LDLRAD4: variants seen among roughly 807,000 people sequenced by gnomAD.
LDLRAD4 encodes low-density lipoprotein receptor class A domain-containing protein 4.
Under a neutral mutation model 17.0 loss-of-function variants are expected in LDLRAD4, and 5 were observed. The ratio of observed to expected loss-of-function variants is 0.29; its 90% CI spans 0.15 to 0.62. The LOEUF (loss-of-function observed/expected upper bound fraction) is 0.62. Ranked by LOEUF, LDLRAD4 falls within the 20% of genes least tolerant of loss-of-function variation. LDLRAD4 has a pLI of 0.84. For synonymous variants in LDLRAD4, 168 were observed against 171.8 expected, an observed-to-expected ratio of 0.98 and a Z score of 0.17; for missense variants, 340 against 424.7, an observed-to-expected ratio of 0.80 and a Z score of 1.75.
At chr18:13,532,171 C>T (rs374040092) in intron 3 of LDLRAD4, among the ~76,000 whole-genome samples, 43 of 152,254 alleles carry the variant, frequency 2.8e-4, no homozygotes, top group East Asian at 7.7e-4. Context: ...TAAAGTCACC[C>T]GGAGGGATGC....
At chr18:13,244,504 G>A (rs1434696065) in intron 1 of LDLRAD4, among the ~76,000 whole-genome samples, 2 of 152,164 alleles carry the variant, frequency 1.3e-5, no homozygotes, top group Non-Finnish European at 2.9e-5. Context: ...TAAAATGTTA[G>A]GGTAAAGGCC....
At chr18:13,237,043 C>T (rs1183968885) in intron 1 of LDLRAD4, among the ~76,000 whole-genome samples, 2 of 152,190 alleles carry the variant, frequency 1.3e-5, no homozygotes, top group African/African-American at 4.8e-5. Flanking sequence ...CAGCAGGTGT[C>T]TCTGTCTTTG....
At chr18:13,496,799 G>C (rs551109350) in intron 3 of LDLRAD4, among the ~76,000 whole-genome samples, 1 of 152,258 alleles carries the variant, frequency 6.6e-6, no homozygotes, top group South Asian at 2.1e-4. Context: ...ATGCAAACCA[G>C]AATTAAAACC....
intron 3 of LDLRAD4, among the ~76,000 whole-genome samples, chr18:13,484,430 C>A (rs2093168868): frequency 1.3e-5 from 2 of 152,042 alleles, no homozygotes; most frequent in African/African-American, 2.4e-5. Context: ...TATGGGGAGA[C>A]CCTGTCTCTA....
At chr18:13,441,591 T>C (rs1333567695) in intron 3 of LDLRAD4, among the ~76,000 whole-genome samples, 1 of 152,242 alleles carries the variant, frequency 6.6e-6, no homozygotes, top group Non-Finnish European at 1.5e-5. Context: ...AGAATCAGTT[T>C]AGTTTCCTGG....
At chr18:13,232,847 C>T (rs758952249) in intron 1 of LDLRAD4, among the ~76,000 whole-genome samples, 11 of 152,170 alleles carry the variant, frequency 7.2e-5, no homozygotes, top group African/African-American at 9.7e-5. Context: ...GATGCTCGTC[C>T]GAACTCAGCT....
At chr18:13,272,157 G>A (rs1287442745) in intron 1 of LDLRAD4, among the ~76,000 whole-genome samples, 1 of 152,204 alleles carries the variant, frequency 6.6e-6, no homozygotes, top group Non-Finnish European at 1.5e-5. Context: ...GCCTCCCAAA[G>A]TGCTGGGATT....
Position 13,610,863 on chromosome 18 carries a change from G to A in LDLRAD4, c.182-10254G>A, listed in dbSNP as rs368863036. 4.0e-3 allele frequency among the ~76,000 whole-genome samples: 608 copies of A among 152,326 alleles called. 3 individuals are homozygous for A. The highest frequency in any genetic ancestry group is 0.014 in the African/African-American group (584 of 41,574). ...AGCAGGGTGACTCTGAGAAGTCAGG[G>A]AAAGTCTGGCACAGGGAGGGGAGTT... On this transcript the variant is annotated intron_variant, in intron 3 of 5. Coordinates refer to ENST00000359446, the Ensembl canonical transcript of LDLRAD4.
At chr18:13,369,964 G>A (rs1223098773) in intron 1 of LDLRAD4, among the ~76,000 whole-genome samples, 3 of 152,200 alleles carry the variant, frequency 2.0e-5, no homozygotes, top group African/African-American at 7.2e-5. Flanking sequence ...GGAACTGTGG[G>A]GGATTCTGGG....
chr18:13,239,608 C>G (rs1188418225), intron 1 of LDLRAD4: 1 of 152,322 alleles, frequency 6.6e-6, no homozygotes, highest in Non-Finnish European at 1.5e-5. Context: ...GGCCAGCCAT[C>G]CGGCTGGAGA....
chr18:13,642,612 C>A, intron 4 of LDLRAD4: 1 of 1,230,264 alleles, frequency 8.1e-7, no homozygotes, highest in South Asian at 4.2e-5. Context: ...CCTGCGAGCG[C>A]GGACTTGCGC....
chr18:13,609,712 C>T (rs2039312316), intron 3 of LDLRAD4, among the ~76,000 whole-genome samples: 1 of 152,198 alleles, frequency 6.6e-6, no homozygotes, highest in African/African-American at 2.4e-5. Flanking sequence ...GTGGCTCACA[C>T]CTGTAATCCC....
chr18:13,565,981 G>A (rs948279905), intron 3 of LDLRAD4, among the ~76,000 whole-genome samples: 50 of 152,296 alleles, frequency 3.3e-4, no homozygotes, highest in African/African-American at 1.1e-3. Flanking sequence ...CACGCCATTC[G>A]TCCATTCGTT....
At chr18:13,232,204 G>A (rs4797744) in intron 1 of LDLRAD4, among the ~76,000 whole-genome samples, 63,746 of 152,058 alleles carry the variant, frequency 0.42, 13,553 homozygotes, top group African/African-American at 0.45. Flanking sequence ...TGTTAGAGGA[G>A]CGTCTTCTGG....
In LDLRAD4 at chr18:13,545,611, T is replaced by C. The variant is rs749880299; in HGVS notation, c.182-75506T>C. 5.7e-4 allele frequency among the ~76,000 whole-genome samples: 86 copies of C among 152,108 alleles called. 1 individual carries two copies. The highest frequency in any genetic ancestry group is 2.5e-4 in the Non-Finnish European group (17 of 68,024). On this transcript the variant is annotated intron_variant, in intron 3 of 5. Transcript: ENST00000359446. ...TGGTTACTCTTCCACACACACACCTTCTTCTAGCAGCCGGCCATGAGCAGT... is the reference window on the plus strand; with the variant it reads ...TGGTTACTCTTCCACACACACACCTCCTTCTAGCAGCCGGCCATGAGCAGT...
At chr18:13,381,528 T>TGACC (rs1006944987) in intron 1 of LDLRAD4, among the ~76,000 whole-genome samples, 3 of 151,894 alleles carry the variant, frequency 2.0e-5, no homozygotes, top group Admixed American at 2.0e-4. Context: ...AGAAGCAGAG[T>TGACC]GGGTCCCCTA....
intron 4 of LDLRAD4, among the ~76,000 whole-genome samples, chr18:13,634,191 TATTA>T (rs2041901575): frequency 6.6e-6 from 1 of 152,174 alleles, no homozygotes; most frequent in Admixed American, 6.5e-5. Flanking sequence ...TTCAACATAG[TATTA>T]ATTAGACATT....
chr18:13,410,459 T>A (rs1239121892), intron 2 of LDLRAD4, among the ~76,000 whole-genome samples: 3 of 152,262 alleles, frequency 2.0e-5, no homozygotes, highest in Admixed American at 6.5e-5. Context: ...ATTTTACAAC[T>A]CTTCCTCACA....
rs192669632 is a variant in LDLRAD4, at chr18:13,334,987, G to A, written c.-382-52354G>A. Among the ~76,000 whole-genome samples, 76 of 152,102 alleles carry A rather than the reference G, an allele frequency of 5.0e-4. 2 individuals are homozygous for A. Among genetic ancestry groups the A allele is most frequent in the Middle Eastern group, 3.4e-3 (1 of 294 alleles). On this transcript the variant is annotated intron_variant, in intron 1 of 5. Coordinates refer to ENST00000359446, the Ensembl canonical transcript of LDLRAD4. Reference sequence around the variant, plus strand: ...GATATGACAATTATGTTTTATCTAAGTTATGTCACATTTTATATTTTCTGT... The same window carrying A: ...GATATGACAATTATGTTTTATCTAAATTATGTCACATTTTATATTTTCTGT...
Sources: allele counts gnomAD v4.1 joint callset (sites outside exome capture counted in the v4.1 genomes callset), GRCh38; gene constraint gnomAD v4.1.1; transcripts MANE v1.5; gene names NCBI Gene and HGNC (gene_info 2026-07-23, HGNC 2026-07-21).